SRSF4: variants seen among roughly 807,000 people sequenced by gnomAD.
SRSF4 encodes serine and arginine rich splicing factor 4.
A neutral mutation model predicts 48.8 loss-of-function variants in SRSF4; 12 were observed. That is an observed-to-expected ratio of 0.25 (90% CI 0.16 to 0.40). The LOEUF (loss-of-function observed/expected upper bound fraction) is 0.40, where lower values mean the gene tolerates loss of function less well. SRSF4 is among the 10% of genes least tolerant of loss of function. The pLI is 1.00. For missense variants in SRSF4, 466 were observed against 667.1 expected, an observed-to-expected ratio of 0.70 and a Z score of 3.32; for synonymous variants, 248 against 232.5, an observed-to-expected ratio of 1.07 and a Z score of -0.61.
At chr1:29,153,350 G>A (rs995060709) in intron 4 of SRSF4, among the ~76,000 whole-genome samples, 5 of 151,896 alleles carry the variant, frequency 3.3e-5, no homozygotes, top group Non-Finnish European at 5.9e-5. Flanking sequence ...GTTTCATCAC[G>A]TTGGCCAGGC....
chr1:29,159,019 T>C lies in SRSF4; in HGVS notation c.363+355A>G, dbSNP rs559839473. ...CTACTCAGGAAGCTGAGATGGAGAA[T>C]TGCTTGAACCCGGGAGGCGGAGGCT... is the stretch of plus-strand genomic sequence containing the variant. On this transcript the variant is annotated intron_variant, in intron 3 of 5. Transcript: ENST00000373795. Among the ~76,000 whole-genome samples the C allele has an allele frequency of 9.2e-5, 14 of 151,872 alleles. No homozygotes were observed. In the East Asian group the frequency reaches 1.9e-3, roughly 21 times the overall value.
At chr1:29,164,516 G>A (rs1028512654) in intron 1 of SRSF4, among the ~76,000 whole-genome samples, 1 of 152,170 alleles carries the variant, frequency 6.6e-6, no homozygotes, top group African/African-American at 2.4e-5. Flanking sequence ...ACTATTATAT[G>A]TATGCACGTG....
At chr1:29,168,671 G>C (rs1160763745) in intron 1 of SRSF4, 2 of 152,168 alleles carry the variant, frequency 1.3e-5, no homozygotes. Context: ...AGATTATTCT[G>C]TGCAATCCCC....
chr1:29,148,793 T>C lies in SRSF4; in HGVS notation c.1102A>G (p.Ser368Gly), dbSNP rs531774529. 6.2e-7 allele frequency: 1 copy of C among 1,610,828 alleles called. No individual in the cohort carries two copies. Among genetic ancestry groups the C allele is most frequent in the East Asian group, 2.2e-5 (1 of 44,822 alleles). ...CTCTCACTCTTGCTGCGGCTGCGAC[T>C]GCGACTGCGGCTCTCCTCTCTGCTT... ...KRSREESRSRSRSRSKSERSR... is the reference protein window; with the variant it reads ...KRSREESRSRGRSRSKSERSR... Residue 368 changes from serine (S) to glycine (G), a missense_variant, in exon 6 of 6, where the codon AGT (serine) becomes GGT (glycine). Around this residue, in one of 2 missense-constraint regions of SRSF4, gnomAD observed 402 missense variants for 437.0 expected, o/e 0.92. Transcript: ENST00000373795.
chr1:29,161,836 G>A (rs1427833065), intron 1 of SRSF4, among the ~76,000 whole-genome samples: 2 of 152,146 alleles, frequency 1.3e-5, no homozygotes, highest in African/African-American at 4.8e-5. Context: ...CAGGTGATTC[G>A]CCCTCCTGGG....
chr1:29,159,669 T>G (rs1470409274), intron 2 of SRSF4, 183 bp from the exon 3 acceptor site: 6 of 450,636 alleles, frequency 1.3e-5, no homozygotes, highest in African/African-American at 1.0e-4. Context: ...AATATAAACA[T>G]TTAATTTAAA....
chr1:29,170,004 A>T (rs1027820667), intron 1 of SRSF4: 2 of 152,256 alleles, frequency 1.3e-5, no homozygotes, highest in African/African-American at 4.8e-5. Context: ...TTTACACTGC[A>T]AATAGTTTGT....
At position 29,148,827 on chromosome 1, in the gene SRSF4, G is replaced by C; in HGVS notation, c.1068C>G (p.Gly356=). 8 of 1,608,238 alleles carry C rather than the reference G, an allele frequency of 5.0e-6. No individual in the cohort carries two copies. The highest frequency in any genetic ancestry group is 6.8e-6 in the Non-Finnish European group (8 of 1,176,572). The change falls in exon 6 of 6, where the codon GGC becomes GGG. Residue 356 remains glycine, a synonymous_variant. Transcript: ENST00000373795. ...GGCTCTCCTCTCTGCTTCTCTTCCT[G>C]CCCTTCCTCTTGTCCTTGCTCTTGC... is the stretch of plus-strand genomic sequence containing the variant. The part of the protein sequence containing the change: ...SRSKSKDKRK[G]RKRSREESRS...
In SRSF4 at chr1:29,148,968, C is replaced by G. The variant is rs755484184; in HGVS notation, c.927G>C (p.Val309=). 6.2e-7 allele frequency: 1 copy of G among 1,612,774 alleles called. No individual in the cohort carries two copies. The highest frequency in any genetic ancestry group is 8.5e-7 in the Non-Finnish European group (1 of 1,179,778). ...KSRSRSQERR[V]EEEKRGSVSR... ...TCACACTCCCTCGCTTCTCCTCCTC[C>G]ACTCTCCTCTCCTGACTCCTGCTCC... The change falls in exon 6 of 6, where the codon GTG becomes GTC. Residue 309 remains valine, a synonymous_variant. Transcript: ENST00000373795.
chr1:29,152,942 A>G (rs547952934), intron 4 of SRSF4, among the ~76,000 whole-genome samples: 31 of 151,986 alleles, frequency 2.0e-4, no homozygotes, highest in African/African-American at 7.2e-4. Context: ...AAAAGAAAGA[A>G]AGAAAGGCAT....
At chr1:29,181,514 C>A in intron 1 of SRSF4, 132 bp downstream of exon 1, 1 of 741,384 alleles carries the variant, frequency 1.3e-6, no homozygotes, top group Non-Finnish European at 2.0e-6. Context: ...CGAGGCGCCG[C>A]CACTATGGCG....
rs1409259096 is a variant in SRSF4, at chr1:29,148,830, C to T, written c.1065G>A (p.Lys355=). The T allele has an allele frequency of 6.2e-7, 1 of 1,608,282 alleles. No homozygotes were observed. The highest frequency in any genetic ancestry group is 8.5e-7 in the Non-Finnish European group (1 of 1,176,580). The change falls in exon 6 of 6, where the codon AAG becomes AAA. Residue 355 remains lysine (K), a synonymous_variant. Transcript: ENST00000373795. ...TCTCCTCTCTGCTTCTCTTCCTGCC[C>T]TTCCTCTTGTCCTTGCTCTTGCTGC... ...RSRSKSKDKR[K]GRKRSREESR...
Position 29,181,830 on chromosome 1 carries a change from A to AGCG in SRSF4, c.-81_-79dup, listed in dbSNP as rs922008949. 30 of 1,248,008 alleles carry AGCG rather than the reference A, an allele frequency of 2.4e-5. No individual in the cohort carries two copies. The highest frequency in any genetic ancestry group is 1.2e-4 in the East Asian group (4 of 32,580). The allele number at this position is 1,248,008 out of a possible 1,614,324, so 77.3% of individuals were successfully genotyped here. On this transcript the variant is annotated 5_prime_UTR_variant, in exon 1 of 6. Coordinates refer to ENST00000373795, the MANE Select transcript of SRSF4 (RefSeq NM_005626.5). ...GCGGGCAAAGCGAGAGCACGGCGGC[A>AGCG]GCGGCGGCGGCGGCAACGGGCGGGC...
chr1:29,154,665 A>G (rs958616152), intron 4 of SRSF4, 31 bp downstream of exon 4: 1 of 1,597,402 alleles, frequency 6.3e-7, no homozygotes, highest in African/African-American at 1.3e-5. Context: ...ATTTATGATG[A>G]GCTCCAACAC....
At chr1:29,167,630 G>A (rs576644708) in intron 1 of SRSF4, among the ~76,000 whole-genome samples, 2 of 152,278 alleles carry the variant, frequency 1.3e-5, no homozygotes, top group South Asian at 2.1e-4. Context: ...TGATATGGCC[G>A]CCTCAGCCTC....
At chr1:29,150,819 A>T in intron 4 of SRSF4, among the ~76,000 whole-genome samples, 1 of 151,894 alleles carries the variant, frequency 6.6e-6, no homozygotes, top group Non-Finnish European at 1.5e-5. Flanking sequence ...TCTTTCCCCT[A>T]TCCCCTTACA....
chr1:29,179,528 T>TA lies in SRSF4; in HGVS notation c.107+2117dup, dbSNP rs920009428. The stretch of plus-strand genomic sequence containing the variant: ...GCGAGTGTCACCACGCGTGGCTAAT[T>TA]AAAAAAATTTTTTTCTTAGAGATGG... On this transcript the variant is annotated intron_variant, in intron 1 of 5. Coordinates refer to ENST00000373795, the MANE Select transcript of SRSF4 (RefSeq NM_005626.5). Among the ~76,000 whole-genome samples, 4 of 152,044 alleles carry TA rather than the reference T, an allele frequency of 2.6e-5. No homozygotes were observed. The East Asian group carries it at 7.7e-4, about 29-fold the overall frequency.
rs1672335832 is a variant in SRSF4 at position 29,148,203 on chromosome 1, A to G, written c.*207T>C. 1.3e-6 allele frequency: 1 copy of G among 765,066 alleles called. No individual in the cohort carries two copies. The highest frequency in any genetic ancestry group is 1.7e-5 in the African/African-American group (1 of 58,358). The allele number at this position is 765,066 out of a possible 1,614,324, so 47.4% of individuals were successfully genotyped here. A position where few individuals can be genotyped will look rare whatever the true frequency, so the allele number is the denominator to read the frequency against. On this transcript the variant is annotated 3_prime_UTR_variant, in exon 6 of 6. Transcript: ENST00000373795. ...GGCCATGAGTAAAAGGGGATTTTCA[A>G]AGAGAAAATTTTTTTCAGTCGAGCA...
At position 29,148,337 on chromosome 1, in the gene SRSF4, C is replaced by T; in HGVS notation, c.*73G>A. 1 of 1,531,682 alleles carries T rather than the reference C, an allele frequency of 6.5e-7. No individual in the cohort carries two copies. 94.9% of individuals were successfully genotyped at this position (1,531,682 alleles called of 1,614,324 possible). ...TGTACAGCAGTGACATGTTCTACTC[C>T]AATCACTTGTGCTACGGCTACCAAA... On this transcript the variant is annotated 3_prime_UTR_variant, in exon 6 of 6. Coordinates refer to ENST00000373795, the MANE Select transcript of SRSF4 (RefSeq NM_005626.5).
Sources: allele counts gnomAD v4.1 joint callset (sites outside exome capture counted in the v4.1 genomes callset), GRCh38; gene constraint gnomAD v4.1.1; regional missense constraint gnomAD v4.1.1; transcripts MANE v1.5; gene names NCBI Gene and HGNC (gene_info 2026-07-23, HGNC 2026-07-21).